CLASP2: variants seen among roughly 807,000 people sequenced by gnomAD.
CLASP2 encodes CLIP-associating protein 2.
Under a neutral mutation model 194.4 loss-of-function variants are expected in CLASP2, and 47 were observed. The ratio of observed to expected loss-of-function variants is 0.24; its 90% CI spans 0.19 to 0.31. The LOEUF is 0.31. Among genes scored for constraint, CLASP2 ranks in the 10% least tolerant of loss-of-function variants. The pLI, the probability that CLASP2 is intolerant of heterozygous loss-of-function variation, is 1.00. For missense variants in CLASP2, 1,445 were observed against 1,823.6 expected (o/e 0.79, Z 3.78); for synonymous variants, 619 against 633.5 (o/e 0.98, Z 0.34).
At chr3:33,633,138 G>A (rs938983345) in intron 8 of CLASP2, among the ~76,000 whole-genome samples, 2 of 152,136 alleles carry the variant, frequency 1.3e-5, no homozygotes, top group Non-Finnish European at 2.9e-5. Flanking sequence ...AGCAGCACCT[G>A]ACTCCAGTTT....
At chr3:33,700,588 G>A (rs2154352779) in intron 1 of CLASP2, among the ~76,000 whole-genome samples, 1 of 152,168 alleles carries the variant, frequency 6.6e-6, no homozygotes, top group Admixed American at 6.5e-5. Flanking sequence ...GCTCATGCCT[G>A]TAATCCCAGC....
At chr3:33,509,484 G>A (rs2049177371) in intron 37 of CLASP2, among the ~76,000 whole-genome samples, 1 of 152,120 alleles carries the variant, frequency 6.6e-6, no homozygotes, top group South Asian at 2.1e-4. Flanking sequence ...CAAAGTGCTG[G>A]TATTATAGGT....
chr3:33,498,101 T>G lies in CLASP2; in HGVS notation c.*530A>C, dbSNP rs957905473. The G allele has an allele frequency of 6.5e-6, 1 of 152,810 alleles. No individual in the cohort carries two copies. Among genetic ancestry groups the G allele is most frequent in the East Asian group, 1.9e-4 (1 of 5,196 alleles). 9.5% of individuals were successfully genotyped at this position (152,810 alleles called of 1,614,324 possible). A position where few individuals can be genotyped will look rare whatever the true frequency, so the allele number is the denominator to read the frequency against. On this transcript the variant is annotated 3_prime_UTR_variant, in exon 39 of 39. Coordinates refer to ENST00000682230, the MANE Select transcript of CLASP2 (RefSeq NM_001365631.1). ...TTGCAACTAATGACATGTATCACCA[T>G]CACACAAACGGAGTCCAGCTGTAGT...
chr3:33,680,290 C>CAT (rs1329244413), intron 6 of CLASP2, among the ~76,000 whole-genome samples: 1 of 152,164 alleles, frequency 6.6e-6, no homozygotes. Context: ...TGTCATTGTA[C>CAT]ATCTGTCCAA....
At chr3:33,670,255 T>C (rs1207456271) in intron 6 of CLASP2, among the ~76,000 whole-genome samples, 1 of 152,172 alleles carries the variant, frequency 6.6e-6, no homozygotes, top group East Asian at 1.9e-4. Context: ...TGGTTACTTT[T>C]AGGAAGAGAA....
At chr3:33,528,092 C>T (rs940050184) in intron 34 of CLASP2, among the ~76,000 whole-genome samples, 1 of 152,144 alleles carries the variant, frequency 6.6e-6, no homozygotes, top group Non-Finnish European at 1.5e-5. Context: ...AGCTAATCCA[C>T]CATGGTCATG....
intron 18 of CLASP2, among the ~76,000 whole-genome samples, chr3:33,599,524 A>C (rs1332438134): frequency 6.6e-6 from 1 of 152,096 alleles, no homozygotes; most frequent in East Asian, 1.9e-4. Context: ...AAACGCAACA[A>C]ACTTTTAGCT....
intron 1 of CLASP2, among the ~76,000 whole-genome samples, chr3:33,697,359 T>C (rs12492346): frequency 0.14 from 21,943 of 152,242 alleles, 1,738 homozygotes; most frequent in African/African-American, 0.2. Context: ...TGGTATATCC[T>C]ATTGCTCCTA....
At chr3:33,587,440 T>C (rs1187554395) in intron 21 of CLASP2, among the ~76,000 whole-genome samples, 1 of 152,200 alleles carries the variant, frequency 6.6e-6, no homozygotes, top group Non-Finnish European at 1.5e-5. Context: ...TGATTCTTAC[T>C]ACAGTTTTCT....
At chr3:33,504,027 C>T (rs1452651240) in intron 37 of CLASP2, 2 of 152,038 alleles carry the variant, frequency 1.3e-5, no homozygotes. Flanking sequence ...GTTATTTATC[C>T]TTTTGCTGTT....
At chr3:33,682,726 T>C (rs2090034962) in intron 6 of CLASP2, among the ~76,000 whole-genome samples, 2 of 152,216 alleles carry the variant, frequency 1.3e-5, no homozygotes, top group South Asian at 4.1e-4. Context: ...TCATATATTC[T>C]TGATTTCCTT....
intron 34 of CLASP2, 125 bp from the exon 35 acceptor site, chr3:33,517,299 A>G (rs1295412167): frequency 2.8e-6 from 2 of 723,906 alleles, no homozygotes; most frequent in Non-Finnish European, 4.2e-6. Context: ...AAGACAAAGA[A>G]AAAAGACATT....
At chr3:33,501,941 T>C in intron 37 of CLASP2, 173 bp from the exon 38 acceptor site, 1 of 552,788 alleles carries the variant, frequency 1.8e-6, no homozygotes, top group South Asian at 2.3e-5. Context: ...TGCCCTTCTC[T>C]CCCTTCACTT....
At chr3:33,615,959 T>C (rs2076082451) in intron 12 of CLASP2, among the ~76,000 whole-genome samples, 1 of 151,064 alleles carries the variant, frequency 6.6e-6, no homozygotes, top group Non-Finnish European at 1.5e-5. Flanking sequence ...CCCAAAGCCT[T>C]ATAATAATAA....
intron 1 of CLASP2, among the ~76,000 whole-genome samples, chr3:33,701,513 T>C (rs775450885): frequency 6.6e-6 from 1 of 152,218 alleles, no homozygotes; most frequent in African/African-American, 2.4e-5. Flanking sequence ...GGAGGATTGC[T>C]TGAGCCCAAA....
chr3:33,590,645 G>A (rs1291962121), intron 21 of CLASP2, among the ~76,000 whole-genome samples: 1 of 151,966 alleles, frequency 6.6e-6, no homozygotes, highest in Non-Finnish European at 1.5e-5. Flanking sequence ...ATTTACTTCC[G>A]CTTATTTTTA....
At chr3:33,565,340 G>A (rs920937475) in intron 27 of CLASP2, among the ~76,000 whole-genome samples, 14 of 151,788 alleles carry the variant, frequency 9.2e-5, no homozygotes, top group African/African-American at 2.7e-4. Flanking sequence ...CACCACACTC[G>A]GCTAATTTTT....
At chr3:33,701,012 C>G (rs1392629573) in intron 1 of CLASP2, among the ~76,000 whole-genome samples, 1 of 152,064 alleles carries the variant, frequency 6.6e-6, no homozygotes, top group Non-Finnish European at 1.5e-5. Context: ...TCACAAAATG[C>G]TAATGAAAGT....
chr3:33,658,227 T>C (rs2084646853), intron 7 of CLASP2, among the ~76,000 whole-genome samples: 1 of 152,182 alleles, frequency 6.6e-6, no homozygotes, highest in Admixed American at 6.5e-5. Flanking sequence ...CAGGTCTCAG[T>C]TTCCCAATCT....
Sources: allele counts gnomAD v4.1 joint callset (sites outside exome capture counted in the v4.1 genomes callset), GRCh38; gene constraint gnomAD v4.1.1; transcripts MANE v1.5; gene names NCBI Gene and HGNC (gene_info 2026-07-23, HGNC 2026-07-21).